The following CUL1 variants were observed in gnomAD, a reference collection of about 807,000 sequenced individuals.
CUL1 encodes cullin 1.
In CUL1, 24 loss-of-function variants were observed where a neutral mutation model predicts 118.0. The ratio of observed to expected loss-of-function variants is 0.20; its 90% CI spans 0.15 to 0.29. CUL1 has a LOEUF of 0.29. Among genes scored for constraint, CUL1 ranks in the 10% least tolerant of loss-of-function variants. The probability of loss-of-function intolerance (pLI) is 1.00; values close to 1 mark genes in which losing one functional copy is unlikely to be tolerated. For missense variants in CUL1, 361 were observed against 933.8 expected, an observed-to-expected ratio of 0.39 and a Z score of 7.99; for synonymous variants, 332 against 340.4, an observed-to-expected ratio of 0.98 and a Z score of 0.27.
intron 1 of CUL1, among the ~76,000 whole-genome samples, chr7:148,711,410 G>T (rs1010949388): frequency 6.6e-6 from 1 of 152,168 alleles, no homozygotes; most frequent in Non-Finnish European, 1.5e-5. Context: ...AGTGGTTCAG[G>T]GACCACGGGG....
chr7:148,766,833 T>C, intron 8 of CUL1, 110 bp downstream of exon 8: 2 of 936,604 alleles, frequency 2.1e-6, no homozygotes, highest in Non-Finnish European at 3.2e-6. Flanking sequence ...ATGTCAGTTT[T>C]AAAAAGATGC....
intron 17 of CUL1, 48 bp from the exon 18 acceptor site, chr7:148,797,764 G>A (rs766752288): frequency 8.2e-6 from 12 of 1,457,196 alleles, no homozygotes; most frequent in Admixed American, 3.5e-5. Flanking sequence ...TTATTGCAAA[G>A]AAAAATGCAT....
chr7:148,767,443 A>G (rs188236501), intron 8 of CUL1, among the ~76,000 whole-genome samples, 176 bp from the exon 9 acceptor site: 1 of 152,274 alleles, frequency 6.6e-6, no homozygotes, highest in East Asian at 1.9e-4. Flanking sequence ...TTTTAGCAAA[A>G]TATACATATA....
intron 1 of CUL1, among the ~76,000 whole-genome samples, chr7:148,708,300 C>G (rs1043946657): frequency 6.6e-6 from 1 of 152,128 alleles, no homozygotes; most frequent in Non-Finnish European, 1.5e-5. Flanking sequence ...CTTTTTTGCT[C>G]CCTAGACCAT....
chr7:148,735,324 C>G (rs770112398), intron 2 of CUL1, among the ~76,000 whole-genome samples: 2 of 152,232 alleles, frequency 1.3e-5, no homozygotes, highest in Admixed American at 6.5e-5. Context: ...ACACGCTGGT[C>G]CCTGCTGCAG....
intron 9 of CUL1, 88 bp downstream of exon 9, chr7:148,767,837 C>G: frequency 7.8e-7 from 1 of 1,288,556 alleles, no homozygotes; most frequent in Non-Finnish European, 1.1e-6. Flanking sequence ...ACTTCCAAAT[C>G]TAAATGGTAC....
At chr7:148,752,742 G>C (rs1028219321) in intron 2 of CUL1, among the ~76,000 whole-genome samples, 7 of 152,118 alleles carry the variant, frequency 4.6e-5, no homozygotes, top group African/African-American at 1.7e-4. Flanking sequence ...TCCGCCTCCC[G>C]GGTTCATGCC....
At chr7:148,773,976 A>T (rs914685883) in intron 9 of CUL1, among the ~76,000 whole-genome samples, 2 of 152,190 alleles carry the variant, frequency 1.3e-5, no homozygotes, top group African/African-American at 4.8e-5. Context: ...TTATCAGTAT[A>T]CTTACATCTT....
chr7:148,799,430 A>G, intron 21 of CUL1, 42 bp downstream of exon 21: 2 of 1,338,486 alleles, frequency 1.5e-6, no homozygotes, highest in Non-Finnish European at 2.1e-6. Flanking sequence ...TTCTTAATTT[A>G]GAAGATAAAA....
rs147827099 is a variant in CUL1 at position 148,717,365 on chromosome 7, G to C, written c.-161-12597G>C. Among the ~76,000 whole-genome samples the C allele has an allele frequency of 3.9e-4, 60 of 152,252 alleles. 1 individual carries two copies. The East Asian group carries it at 0.011, about 27-fold the overall frequency. On this transcript the variant is annotated intron_variant, in intron 1 of 21. Coordinates refer to ENST00000325222, the MANE Select transcript of CUL1 (RefSeq NM_003592.3). Reference sequence around the variant, plus strand: ...CATGCCCGGCCTTGTTTTGAATTTTGAAAGTAGTGTCTGACAATTCTGGAA... The same window carrying C: ...CATGCCCGGCCTTGTTTTGAATTTTCAAAGTAGTGTCTGACAATTCTGGAA...
intron 9 of CUL1, among the ~76,000 whole-genome samples, chr7:148,776,755 T>G (rs527754771): frequency 7.0e-4 from 107 of 152,324 alleles, no homozygotes; most frequent in African/African-American, 2.6e-3. Flanking sequence ...AACTAAATTG[T>G]AGTTTAAATA....
chr7:148,795,760 ACT>A (rs1394604117), intron 17 of CUL1, among the ~76,000 whole-genome samples: 8 of 142,900 alleles, frequency 5.6e-5, no homozygotes, highest in Non-Finnish European at 1.1e-4. Context: ...ACAGAGCAAG[ACT>A]CTGTCTCAAA....
intron 2 of CUL1, among the ~76,000 whole-genome samples, chr7:148,750,354 G>C (rs1396038781): frequency 6.6e-6 from 1 of 151,054 alleles, no homozygotes; most frequent in African/African-American, 2.4e-5. Flanking sequence ...CAATGTGCAG[G>C]TTTGTTACAT....
At chr7:148,755,974 T>G (rs1045071600) in intron 3 of CUL1, among the ~76,000 whole-genome samples, 7 of 152,162 alleles carry the variant, frequency 4.6e-5, no homozygotes, top group African/African-American at 1.7e-4. Flanking sequence ...CCTTCCTCTT[T>G]CGTGCTTCTC....
rs570286904 is a variant in CUL1 at position 148,737,501 on chromosome 7, G to C, written c.140+7239G>C. ...ATGTGAGCCTGCTGTTCTGCCATTT[G>C]GTACAGGTTAACTTGTTAATGTTTG... is the stretch of plus-strand genomic sequence containing the variant. On this transcript the variant is annotated intron_variant, in intron 2 of 21. Transcript: ENST00000325222. Among the ~76,000 whole-genome samples, 13 of 151,114 alleles carry C rather than the reference G, an allele frequency of 8.6e-5. No individual in the cohort carries two copies. In the South Asian group the frequency reaches 2.5e-3, roughly 29 times the overall value.
At chr7:148,728,118 T>C (rs1798645209) in intron 1 of CUL1, among the ~76,000 whole-genome samples, 1 of 152,142 alleles carries the variant, frequency 6.6e-6, no homozygotes, top group Non-Finnish European at 1.5e-5. Context: ...GCATTTGAAA[T>C]GAAGTCCGTA....
intron 2 of CUL1, among the ~76,000 whole-genome samples, chr7:148,746,138 T>G: frequency 6.6e-6 from 1 of 150,486 alleles, no homozygotes; most frequent in African/African-American, 2.5e-5. Context: ...GAGGAAGTAA[T>G]GGTGGGGAGG....
intron 9 of CUL1, among the ~76,000 whole-genome samples, chr7:148,778,098 G>GAAAAAAAAAA (rs1563166656): frequency 2.0e-5 from 1 of 49,328 alleles, no homozygotes; most frequent in African/African-American, 9.8e-5. Context: ...AAAAAAAAAA[G>GAAAAAAAAAA]AAGAAGAAGA....
At chr7:148,756,866 G>A (rs914823308) in intron 3 of CUL1, 117 bp from the exon 4 acceptor site, 1 of 551,458 alleles carries the variant, frequency 1.8e-6, no homozygotes, top group Non-Finnish European at 3.0e-6. Context: ...ATTTAAAGAA[G>A]CCATCTAAAA....
Sources: allele counts gnomAD v4.1 joint callset (sites outside exome capture counted in the v4.1 genomes callset), GRCh38; gene constraint gnomAD v4.1.1; transcripts MANE v1.5; gene names NCBI Gene and HGNC (gene_info 2026-07-23, HGNC 2026-07-21).